Variants in PRDM5 observed in about 807,000 individuals in gnomAD.
PRDM5 encodes the protein PR/SET domain 5, also known as PR domain zinc finger protein 5.
In PRDM5, 56 loss-of-function variants were observed where a neutral mutation model predicts 81.2. That is an observed-to-expected ratio of 0.69 (90% CI 0.56 to 0.86). The LOEUF is 0.86. Among genes scored for constraint, PRDM5 ranks in the 40% least tolerant of loss-of-function variants. PRDM5 has a pLI of 0.00. For missense variants in PRDM5, 697 were observed against 770.1 expected (o/e 0.91, Z 1.12); for synonymous variants, 267 against 256.4 (o/e 1.04, Z -0.39).
At chr4:120,790,207 T>C (rs1256064781) in intron 10 of PRDM5, among the ~76,000 whole-genome samples, 2 of 152,202 alleles carry the variant, frequency 1.3e-5, no homozygotes, top group African/African-American at 4.8e-5. Flanking sequence ...AACTGAAAAG[T>C]TAAGCCTTTT....
At chr4:120,781,086 A>G in intron 12 of PRDM5, 57 bp downstream of exon 12, 1 of 1,432,804 alleles carries the variant, frequency 7.0e-7, no homozygotes, top group Non-Finnish European at 9.8e-7. Context: ...GTTAACATAT[A>G]TACCCATACT....
intron 11 of PRDM5, among the ~76,000 whole-genome samples, chr4:120,784,690 T>C (rs1373203839): frequency 1.3e-5 from 2 of 152,144 alleles, no homozygotes; most frequent in Non-Finnish European, 2.9e-5. Flanking sequence ...AACAAAATCA[T>C]GTGTCAAAAC....
intron 2 of PRDM5, among the ~76,000 whole-genome samples, chr4:120,866,305 T>G (rs899046218): frequency 2.6e-5 from 4 of 152,246 alleles, no homozygotes; most frequent in African/African-American, 9.6e-5. Context: ...TCTGAGAGAT[T>G]CTCACATGAG....
At chr4:120,733,965 G>C (rs1359372000) in intron 14 of PRDM5, among the ~76,000 whole-genome samples, 1 of 151,750 alleles carries the variant, frequency 6.6e-6, no homozygotes, top group African/African-American at 2.4e-5. Flanking sequence ...TGGCAGAGGT[G>C]GCAGGGAAGA....
intron 2 of PRDM5, among the ~76,000 whole-genome samples, chr4:120,870,533 T>A (rs1030228667): frequency 4.6e-5 from 7 of 151,960 alleles, no homozygotes; most frequent in Non-Finnish European, 1.0e-4. Flanking sequence ...ATTCAGAGAA[T>A]AGCAGGGAGA....
At chr4:120,853,854 G>T (rs532676213) in intron 2 of PRDM5, among the ~76,000 whole-genome samples, 1 of 152,222 alleles carries the variant, frequency 6.6e-6, no homozygotes, top group African/African-American at 2.4e-5. Flanking sequence ...AATCACAATT[G>T]TTCAGAGAAT....
intron 12 of PRDM5, among the ~76,000 whole-genome samples, chr4:120,778,903 T>A (rs1282979897): frequency 2.0e-5 from 3 of 152,162 alleles, no homozygotes; most frequent in Non-Finnish European, 4.4e-5. Context: ...ATAACAGACC[T>A]CTCTTCTTTC....
chr4:120,794,660 G>A (rs1578761036), intron 10 of PRDM5, among the ~76,000 whole-genome samples: 2 of 144,908 alleles, frequency 1.4e-5, no homozygotes, highest in East Asian at 4.0e-4. Context: ...GTTTCGCTCT[G>A]TTGCTCAGGC....
intron 10 of PRDM5, among the ~76,000 whole-genome samples, chr4:120,791,534 T>C (rs562347540): frequency 6.6e-6 from 1 of 152,226 alleles, no homozygotes; most frequent in African/African-American, 2.4e-5. Flanking sequence ...AGGTGCCTTC[T>C]ATGGTAGAAT....
At chr4:120,757,496 G>A (rs1744924639) in intron 13 of PRDM5, among the ~76,000 whole-genome samples, 1 of 151,968 alleles carries the variant, frequency 6.6e-6, no homozygotes, top group African/African-American at 2.4e-5. Flanking sequence ...AACTTGACTA[G>A]GTTAAGGGAT....
rs138442036 is a variant in PRDM5 at position 120,754,601 on chromosome 4, T to C, written c.1575A>G (p.Gly525=). 6.9e-6 allele frequency: 11 copies of C among 1,602,688 alleles called. No homozygotes were observed. Among genetic ancestry groups the C allele is most frequent in the Non-Finnish European group, 9.4e-6 (11 of 1,169,752 alleles). Residue 525 remains glycine, a synonymous_variant, in exon 14 of 16, where the codon GGA becomes GGG. Transcript: ENST00000264808. Reference sequence around the variant, plus strand: ...TCTTCAGTCCATCATTTTTACTGAATCCTTTTTCACAGTAAGGACATTGAT... The same window carrying C: ...TCTTCAGTCCATCATTTTTACTGAACCCTTTTTCACAGTAAGGACATTGAT... The part of the protein sequence containing the change: ...RPYQCPYCEK[G]FSKNDGLKMH...
chr4:120,800,653 T>C (rs947552714), intron 8 of PRDM5, among the ~76,000 whole-genome samples: 4 of 152,084 alleles, frequency 2.6e-5, no homozygotes, highest in Non-Finnish European at 2.9e-5. Flanking sequence ...AAGATTACAA[T>C]TGATAATAGC....
chr4:120,735,875 G>A (rs866258162), intron 14 of PRDM5, among the ~76,000 whole-genome samples: 8 of 152,096 alleles, frequency 5.3e-5, no homozygotes, highest in African/African-American at 1.9e-4. Flanking sequence ...AATGTATGGG[G>A]TACGAGTGCA....
chr4:120,730,053 T>C (rs1437571810), intron 14 of PRDM5, among the ~76,000 whole-genome samples: 1 of 152,240 alleles, frequency 6.6e-6, no homozygotes, highest in Non-Finnish European at 1.5e-5. Flanking sequence ...AACATAATAC[T>C]TTAGAACATC....
At chr4:120,915,659 G>A (rs1724063480) in intron 1 of PRDM5, among the ~76,000 whole-genome samples, 1 of 152,130 alleles carries the variant, frequency 6.6e-6, no homozygotes, top group African/African-American at 2.4e-5. Context: ...ACCACTGCGG[G>A]GAGAAGGGAA....
chr4:120,899,739 G>T (rs1289478455), intron 2 of PRDM5, among the ~76,000 whole-genome samples: 1 of 152,086 alleles, frequency 6.6e-6, no homozygotes, highest in East Asian at 1.9e-4. Flanking sequence ...TTATCTATCT[G>T]GAGATAACGT....
chr4:120,745,503 C>T (rs1742850737), intron 14 of PRDM5, among the ~76,000 whole-genome samples: 1 of 151,118 alleles, frequency 6.6e-6, no homozygotes, highest in East Asian at 1.9e-4. Context: ...TCCCTGTTTG[C>T]AGATGAGATG....
At chr4:120,755,279 A>T (rs1165994233) in intron 13 of PRDM5, among the ~76,000 whole-genome samples, 1 of 152,226 alleles carries the variant, frequency 6.6e-6, no homozygotes, top group African/African-American at 2.4e-5. Context: ...ATTTCAAAAA[A>T]AATTCTACTG....
chr4:120,902,682 A>T (rs1043624864), intron 2 of PRDM5, among the ~76,000 whole-genome samples: 9 of 152,198 alleles, frequency 5.9e-5, no homozygotes, highest in African/African-American at 2.2e-4. Flanking sequence ...ATTTTAAAAG[A>T]AAAGTAAAAA....
Sources: gnomAD v4.1 joint callset for allele counts (sites outside exome capture counted in the v4.1 genomes callset) on GRCh38, gnomAD v4.1.1 for gene constraint, MANE v1.5 for transcripts, NCBI Gene and HGNC (gene_info 2026-07-23, HGNC 2026-07-21) for gene names.